The following LRMDA variants were observed in gnomAD, a reference collection of about 807,000 sequenced individuals.
The protein encoded by LRMDA is leucine rich melanocyte differentiation associated.
A neutral mutation model predicts 29.8 loss-of-function variants in LRMDA; 18 were observed. The observed-to-expected ratio is 0.60, with a 90% CI of 0.42 to 0.90. The LOEUF (loss-of-function observed/expected upper bound fraction) is 0.90. LRMDA is among the 40% of genes least tolerant of loss of function. LRMDA has a pLI of 0.00. For missense variants in LRMDA, 273 were observed against 273.9 expected (o/e 1.00, Z 0.02); for synonymous variants, 125 against 109.4 (o/e 1.14, Z -0.89).
intron 5 of LRMDA, among the ~76,000 whole-genome samples, chr10:76,233,337 T>G (rs560860226): frequency 6.6e-6 from 1 of 152,254 alleles, no homozygotes; most frequent in Non-Finnish European, 1.5e-5. Flanking sequence ...ACTTTATTGT[T>G]AAAAATGCTA....
At chr10:76,070,495 C>G (rs977714047) in intron 5 of LRMDA, among the ~76,000 whole-genome samples, 1 of 152,166 alleles carries the variant, frequency 6.6e-6, no homozygotes, top group African/African-American at 2.4e-5. Context: ...GAGATCTCTC[C>G]GTCTTCTGAT....
intron 5 of LRMDA, among the ~76,000 whole-genome samples, chr10:76,250,986 A>T (rs1464003404): frequency 6.6e-6 from 1 of 152,096 alleles, no homozygotes; most frequent in Non-Finnish European, 1.5e-5. Flanking sequence ...GTTCTTGTAG[A>T]TTTCTTTTCC....
chr10:75,755,283 T>C (rs569917876), intron 2 of LRMDA, among the ~76,000 whole-genome samples: 23 of 152,352 alleles, frequency 1.5e-4, no homozygotes, highest in African/African-American at 5.5e-4. Context: ...TCAGCTTATG[T>C]AGTACAAATG....
At chr10:76,063,533 C>T (rs551102277) in intron 5 of LRMDA, among the ~76,000 whole-genome samples, 7 of 151,794 alleles carry the variant, frequency 4.6e-5, no homozygotes, top group South Asian at 2.1e-4. Flanking sequence ...TGTGTGCCTA[C>T]GTTTTGATAC....
intron 5 of LRMDA, among the ~76,000 whole-genome samples, chr10:76,277,460 C>A (rs1318923523): frequency 5.3e-5 from 8 of 152,150 alleles, no homozygotes; most frequent in Non-Finnish European, 1.0e-4. Flanking sequence ...TTCAGCTGAG[C>A]CCCTCTTTTA....
intron 2 of LRMDA, among the ~76,000 whole-genome samples, chr10:75,455,909 AG>A (rs1266792453): frequency 2.8e-4 from 43 of 152,160 alleles, no homozygotes; most frequent in African/African-American, 1.0e-3. Context: ...GATTTTCCTG[AG>A]TAGGAATGGT....
chr10:76,355,991 G>C (rs1426771935), intron 6 of LRMDA, among the ~76,000 whole-genome samples: 1 of 152,192 alleles, frequency 6.6e-6, no homozygotes, highest in Non-Finnish European at 1.5e-5. Flanking sequence ...AGGTGAGGCA[G>C]TCTTGCACTG....
intron 2 of LRMDA, among the ~76,000 whole-genome samples, chr10:75,590,667 T>G (rs1840711135): frequency 6.6e-6 from 1 of 151,328 alleles, no homozygotes; most frequent in South Asian, 2.1e-4. Flanking sequence ...AATAATGCCT[T>G]AAATATTTTT....
chr10:76,255,099 C>T (rs575132256), intron 5 of LRMDA, among the ~76,000 whole-genome samples: 2 of 152,250 alleles, frequency 1.3e-5, no homozygotes, highest in South Asian at 2.1e-4. Context: ...TTTGGGCTTT[C>T]CCCCCAGACC....
At chr10:75,612,164 AGAG>A (rs1368532825) in intron 2 of LRMDA, among the ~76,000 whole-genome samples, 3 of 152,236 alleles carry the variant, frequency 2.0e-5, no homozygotes, top group Non-Finnish European at 2.9e-5. Context: ...TTAAAAATTA[AGAG>A]GAGAAGTGTG....
intron 2 of LRMDA, among the ~76,000 whole-genome samples, chr10:75,500,739 G>C (rs759118443): frequency 3.3e-5 from 5 of 152,094 alleles, no homozygotes; most frequent in Admixed American, 6.5e-5. Flanking sequence ...GTGTACGAAG[G>C]GGGAAGAGCC....
intron 6 of LRMDA, among the ~76,000 whole-genome samples, chr10:76,391,702 C>A (rs1338806432): frequency 6.6e-6 from 1 of 152,126 alleles, no homozygotes; most frequent in Non-Finnish European, 1.5e-5. Flanking sequence ...TTCATGCAGT[C>A]CACTCTTTCT....
At chr10:76,360,119 G>T (rs369501930) in intron 6 of LRMDA, among the ~76,000 whole-genome samples, 1 of 152,104 alleles carries the variant, frequency 6.6e-6, no homozygotes, top group Non-Finnish European at 1.5e-5. Flanking sequence ...CTCCTGAGTA[G>T]CTGGGATTAC....
chr10:76,397,848 A>G (rs970231545), intron 6 of LRMDA, among the ~76,000 whole-genome samples: 7 of 152,234 alleles, frequency 4.6e-5, no homozygotes, highest in African/African-American at 1.7e-4. Context: ...TGAACAACAG[A>G]AAAAGAATGA....
intron 6 of LRMDA, among the ~76,000 whole-genome samples, chr10:76,335,845 A>G (rs1419702283): frequency 6.6e-6 from 1 of 152,196 alleles, no homozygotes; most frequent in Non-Finnish European, 1.5e-5. Context: ...AATATTTCTT[A>G]TCAGACTTAA....
At chr10:75,888,527 C>T (rs868124031) in intron 2 of LRMDA, among the ~76,000 whole-genome samples, 2 of 152,200 alleles carry the variant, frequency 1.3e-5, no homozygotes, top group African/African-American at 4.8e-5. Context: ...GCAGACAAAA[C>T]AAGCCATCAG....
At position 75,767,863 on chromosome 10, in the gene LRMDA, A is replaced by G. The variant is rs1335157376; in HGVS notation, c.132-268145A>G. ...CTTGGAAGGTCCTAAATGTAATCAC[A>G]TAGATCCTTCTGAGAGAGGCAGAGG... On this transcript the variant is annotated intron_variant, in intron 2 of 6. Coordinates refer to ENST00000611255, the MANE Select transcript of LRMDA (RefSeq NM_001305581.2). Among the ~76,000 whole-genome samples the G allele has an allele frequency of 3.3e-5, 5 of 152,248 alleles. No individual in the cohort carries two copies. The East Asian group carries it at 9.6e-4, about 29-fold the overall frequency.
chr10:75,639,521 C>T (rs1044553682), intron 2 of LRMDA, among the ~76,000 whole-genome samples: 1 of 152,144 alleles, frequency 6.6e-6, no homozygotes, highest in African/African-American at 2.4e-5. Flanking sequence ...TTTCATTAGA[C>T]TTAGACATGT....
intron 2 of LRMDA, among the ~76,000 whole-genome samples, chr10:75,833,719 A>C (rs562001147): frequency 6.6e-6 from 1 of 152,244 alleles, no homozygotes; most frequent in Non-Finnish European, 1.5e-5. Flanking sequence ...GCCGCTAAGT[A>C]TAATCCATTC....
Sources: allele counts gnomAD v4.1 joint callset (sites outside exome capture counted in the v4.1 genomes callset), GRCh38; gene constraint gnomAD v4.1.1; transcripts MANE v1.5; gene names NCBI Gene and HGNC (gene_info 2026-07-23, HGNC 2026-07-21).